The following MYO6 variants were observed in gnomAD, a reference collection of about 807,000 sequenced individuals.
The protein encoded by MYO6 is myosin VI, also known as unconventional myosin-VI.
A neutral mutation model predicts 178.7 loss-of-function variants in MYO6; 74 were observed. The observed-to-expected ratio is 0.41, with a 90% CI of 0.34 to 0.50. The LOEUF (loss-of-function observed/expected upper bound fraction) is 0.50. Among genes scored for constraint, MYO6 ranks in the 20% least tolerant of loss-of-function variants. The pLI is 0.09. For synonymous variants in MYO6, 477 were observed against 504.6 expected, an observed-to-expected ratio of 0.95 and a Z score of 0.73; for missense variants, 1,330 against 1,547.4, an observed-to-expected ratio of 0.86 and a Z score of 2.36.
Position 75,810,205 on chromosome 6 carries a change from C to T in MYO6, c.-47-7296C>T, listed in dbSNP as rs775516957. On this transcript the variant is annotated intron_variant, in intron 1 of 34. Coordinates refer to ENST00000369977, the MANE Select transcript of MYO6 (RefSeq NM_004999.4). ...TCTCTTTTCAGACCTTAAAAGATGT[C>T]AGACTTAGGTAATCTCGCCCAGATC... Among the ~76,000 whole-genome samples, 28 of 151,998 alleles carry T rather than the reference C, an allele frequency of 1.8e-4. 1 individual carries two copies. Among genetic ancestry groups the T allele is most frequent in the Non-Finnish European group, 4.0e-4 (27 of 68,012 alleles).
intron 11 of MYO6, among the ~76,000 whole-genome samples, chr6:75,851,020 C>A (rs1360805058): frequency 6.6e-6 from 1 of 151,844 alleles, no homozygotes; most frequent in African/African-American, 2.4e-5. Flanking sequence ...ATTTCATTTG[C>A]TCTCTAGCAT....
At chr6:75,779,272 TG>T (rs939854996) in intron 1 of MYO6, among the ~76,000 whole-genome samples, 3 of 151,908 alleles carry the variant, frequency 2.0e-5, no homozygotes, top group African/African-American at 7.3e-5. Context: ...GACGCCGAGG[TG>T]GTCAGATTAC....
At chr6:75,758,538 G>A (rs1777670437) in intron 1 of MYO6, among the ~76,000 whole-genome samples, 1 of 151,826 alleles carries the variant, frequency 6.6e-6, no homozygotes, top group Non-Finnish European at 1.5e-5. Flanking sequence ...TCAGCTCACT[G>A]CAAGCTCCGC....
chr6:75,753,627 A>G (rs1327924160), intron 1 of MYO6, among the ~76,000 whole-genome samples: 1 of 151,708 alleles, frequency 6.6e-6, no homozygotes. Context: ...ATGCCTGGCT[A>G]ACTTTTTTGT....
intron 1 of MYO6, among the ~76,000 whole-genome samples, chr6:75,751,180 T>C (rs757879749): frequency 2.0e-5 from 3 of 152,242 alleles, no homozygotes; most frequent in Non-Finnish European, 4.4e-5. Flanking sequence ...CAGACTTTTA[T>C]ATATACAGCT....
chr6:75,770,049 G>T (rs1259291841), intron 1 of MYO6, among the ~76,000 whole-genome samples: 1 of 152,156 alleles, frequency 6.6e-6, no homozygotes, highest in Admixed American at 6.5e-5. Flanking sequence ...GGGACTCTGT[G>T]GGGGCTCAGA....
intron 20 of MYO6, among the ~76,000 whole-genome samples, chr6:75,875,636 T>G (rs1309176252): frequency 6.6e-6 from 1 of 152,212 alleles, no homozygotes; most frequent in Non-Finnish European, 1.5e-5. Context: ...ATGTGGCTAG[T>G]CCCGCTGTAG....
intron 30 of MYO6, among the ~76,000 whole-genome samples, chr6:75,899,201 G>C (rs1354079693): frequency 6.6e-6 from 1 of 151,938 alleles, no homozygotes; most frequent in Non-Finnish European, 1.5e-5. Flanking sequence ...TGAAAAGTTA[G>C]GGATATTAAA....
intron 16 of MYO6, 68 bp from the exon 17 acceptor site, chr6:75,866,458 T>G (rs1270768099): frequency 7.8e-7 from 1 of 1,278,926 alleles, no homozygotes; most frequent in African/African-American, 1.5e-5. Flanking sequence ...ATCTCAGTTG[T>G]TTTGTAAAGA....
At position 75,887,002 on chromosome 6, in the gene MYO6, ATT is replaced by A. The variant is rs1778485409; in HGVS notation, c.2658+10_2658+11del. ...TTGATGGCCAAAATTAAGGTATGTA[ATT>A]TCAACCCGAATGACTTTGACTTTTT... On this transcript the variant is annotated intron_variant, in intron 25 of 34. Coordinates refer to ENST00000369977, the MANE Select transcript of MYO6 (RefSeq NM_004999.4). 5 of 1,610,062 alleles carry A rather than the reference ATT, an allele frequency of 3.1e-6. No individual in the cohort carries two copies. Among genetic ancestry groups the A allele is most frequent in the African/African-American group, 1.3e-5 (1 of 74,972 alleles).
At chr6:75,846,780 G>A (rs1774774905) in intron 10 of MYO6, among the ~76,000 whole-genome samples, 1 of 152,080 alleles carries the variant, frequency 6.6e-6, no homozygotes. Context: ...AAAAAATGGA[G>A]TAGAGAGGAA....
At chr6:75,899,352 A>G (rs574817978) in intron 30 of MYO6, among the ~76,000 whole-genome samples, 2 of 148,696 alleles carry the variant, frequency 1.3e-5, no homozygotes, top group South Asian at 2.1e-4. Flanking sequence ...CTTCTTTCAA[A>G]AGAAAAGATA....
At chr6:75,908,718 T>A in intron 32 of MYO6, 91 bp downstream of exon 32, 2 of 1,403,912 alleles carry the variant, frequency 1.4e-6, no homozygotes, top group Non-Finnish European at 2.0e-6. Context: ...ATGTCCCATA[T>A]AAATTTTCTC....
At chr6:75,880,433 G>T (rs553446665) in intron 22 of MYO6, among the ~76,000 whole-genome samples, 9 of 152,236 alleles carry the variant, frequency 5.9e-5, no homozygotes, top group Non-Finnish European at 1.3e-4. Context: ...GTTGTCCTGG[G>T]CCACACATAA....
At chr6:75,866,784 C>T in intron 17 of MYO6, 148 bp from the exon 18 acceptor site, 6 of 1,027,076 alleles carry the variant, frequency 5.8e-6, no homozygotes, top group Non-Finnish European at 9.0e-6. Flanking sequence ...TTCAGGTGCC[C>T]AGTGTCCACA....
At chr6:75,892,883 A>G (rs1415124805) in intron 28 of MYO6, among the ~76,000 whole-genome samples, 193 bp downstream of exon 28, 1 of 152,202 alleles carries the variant, frequency 6.6e-6, no homozygotes, top group Non-Finnish European at 1.5e-5. Context: ...ATTTTTCATC[A>G]TATTATTAAA....
intron 1 of MYO6, among the ~76,000 whole-genome samples, chr6:75,782,882 C>T (rs368348588): frequency 2.0e-5 from 3 of 149,442 alleles, no homozygotes; most frequent in South Asian, 4.3e-4. Flanking sequence ...AGTGATAGTC[C>T]TTGATAATCC....
At chr6:75,777,700 G>A (rs1032467047) in intron 1 of MYO6, among the ~76,000 whole-genome samples, 22 of 152,136 alleles carry the variant, frequency 1.4e-4, no homozygotes, top group African/African-American at 4.8e-4. Flanking sequence ...GCCTCCCAAA[G>A]TGCTAGAATT....
At chr6:75,835,534 C>T (rs1051876017) in intron 6 of MYO6, among the ~76,000 whole-genome samples, 15 of 152,044 alleles carry the variant, frequency 9.9e-5, no homozygotes, top group South Asian at 4.2e-4. Flanking sequence ...CAGGTTCAAG[C>T]GATTCTCCTG....
Sources: gnomAD v4.1 joint callset for allele counts (sites outside exome capture counted in the v4.1 genomes callset) on GRCh38, gnomAD v4.1.1 for gene constraint, MANE v1.5 for transcripts, NCBI Gene and HGNC (gene_info 2026-07-23, HGNC 2026-07-21) for gene names.